The following DSE variants were observed in gnomAD, a reference collection of about 807,000 sequenced individuals.
DSE encodes the protein dermatan sulfate epimerase.
A neutral mutation model predicts 84.4 loss-of-function variants in DSE; 36 were observed. The ratio of observed to expected loss-of-function variants is 0.43; its 90% confidence interval spans 0.33 to 0.56. The LOEUF is 0.56. Ranked by LOEUF, DSE falls within the 20% of genes least tolerant of loss-of-function variation. DSE has a pLI of 0.06. For synonymous variants in DSE, 410 were observed against 430.1 expected (o/e 0.95, Z 0.58); for missense variants, 862 against 1,169.6 (o/e 0.74, Z 3.84).
At position 116,340,538 on chromosome 6, in the gene DSE, G is replaced by A. The variant is rs184982175; in HGVS notation, c.-53-58660G>A. On this transcript the variant is annotated intron_variant, in intron 2 of 3. Coordinates refer to the DSE transcript ENST00000430252. ...AAGTTCTAGGGTATATGAGCACAACGTGTAGGTTTGATACATAGGTATACA... is the reference window on the plus strand; with the variant it reads ...AAGTTCTAGGGTATATGAGCACAACATGTAGGTTTGATACATAGGTATACA... Among the ~76,000 whole-genome samples, 231 of 152,002 alleles carry A rather than the reference G, an allele frequency of 1.5e-3. 2 individuals are homozygous for A. The highest frequency in any genetic ancestry group is 2.3e-3 in the Non-Finnish European group (156 of 67,980).
chr6:116,386,538 T>A (rs1273524707), intron 1 of DSE, among the ~76,000 whole-genome samples: 1 of 152,252 alleles, frequency 6.6e-6, no homozygotes, highest in Non-Finnish European at 1.5e-5. Flanking sequence ...AACAACAATG[T>A]GTGCCAATAC....
At chr6:116,369,347 C>G (rs949707001), upstream of DSE, among the ~76,000 whole-genome samples, 1 of 152,150 alleles carries the variant, frequency 6.6e-6, no homozygotes, top group Non-Finnish European at 1.5e-5. Flanking sequence ...TTAACACTTA[C>G]GGATTACATA....
intron 4 of DSE, chr6:116,432,540 T>C (rs1181482078): frequency 3.9e-5 from 6 of 152,120 alleles, no homozygotes; most frequent in Non-Finnish European, 1.5e-5. Context: ...TAGCTGTAAA[T>C]TACATAAATA....
At chr6:116,330,433 G>A (rs1253616011) in intron 2 of DSE, among the ~76,000 whole-genome samples, 2 of 151,844 alleles carry the variant, frequency 1.3e-5, no homozygotes, top group Non-Finnish European at 2.9e-5. Context: ...TAATCTTTTT[G>A]GTATTACATA....
At chr6:116,349,405 A>G (rs1778185413) in intron 2 of DSE, among the ~76,000 whole-genome samples, 2 of 152,308 alleles carry the variant, frequency 1.3e-5, no homozygotes, top group African/African-American at 4.8e-5. Flanking sequence ...AGCTGACTCA[A>G]GCTCCAGCTT....
chr6:116,422,161 C>T (rs1783134336), intron 2 of DSE, among the ~76,000 whole-genome samples: 1 of 152,194 alleles, frequency 6.6e-6, no homozygotes, highest in Non-Finnish European at 1.5e-5. Flanking sequence ...TGTGTGTTCA[C>T]TGAGTTATTT....
chr6:116,313,704 T>C (rs996807178), intron 2 of DSE, among the ~76,000 whole-genome samples: 3 of 152,262 alleles, frequency 2.0e-5, no homozygotes, highest in Non-Finnish European at 4.4e-5. Flanking sequence ...TCTCTTATTT[T>C]AGTTACAGCA....
intron 2 of DSE, among the ~76,000 whole-genome samples, chr6:116,339,753 G>A (rs112799102): frequency 1.3e-5 from 2 of 152,268 alleles, no homozygotes; most frequent in South Asian, 2.1e-4. Context: ...AAGGTAACAG[G>A]TTTTGAGATG....
rs898544584 is a variant in DSE at position 116,301,110 on chromosome 6, G to C, written c.-54+42143G>C. Among the ~76,000 whole-genome samples the C allele has an allele frequency of 1.8e-4, 28 of 151,988 alleles. 1 individual carries two copies. Among genetic ancestry groups the C allele is most frequent in the Non-Finnish European group, 2.9e-5 (2 of 67,972 alleles). Reference sequence around the variant, plus strand: ...TGTAGCACAGTGGTTGGACTTCTGAGGTGGTCAGGGTGAAAGATTTTAGAG... The same window carrying C: ...TGTAGCACAGTGGTTGGACTTCTGACGTGGTCAGGGTGAAAGATTTTAGAG... On this transcript the variant is annotated intron_variant, in intron 2 of 3. Transcript: ENST00000430252.
intron 2 of DSE, among the ~76,000 whole-genome samples, chr6:116,297,228 C>T (rs551160933): frequency 8.8e-4 from 134 of 152,084 alleles, no homozygotes; most frequent in Non-Finnish European, 1.5e-3. Context: ...CCCTAGGAGC[C>T]GTCCTTAGCT....
chr6:116,368,261 G>A (rs1284513045), upstream of DSE, among the ~76,000 whole-genome samples: 1 of 152,168 alleles, frequency 6.6e-6, no homozygotes, highest in Non-Finnish European at 1.5e-5. Flanking sequence ...GACAAAAATA[G>A]GACAAGGTAA....
intron 2 of DSE, among the ~76,000 whole-genome samples, chr6:116,306,221 T>C (rs903614095): frequency 3.9e-4 from 60 of 152,212 alleles, no homozygotes; most frequent in African/African-American, 1.4e-3. Context: ...AACCTTTCTA[T>C]AAGTTTAAAA....
intron 1 of DSE, among the ~76,000 whole-genome samples, chr6:116,391,461 T>C (rs543957788): frequency 6.6e-6 from 1 of 152,226 alleles, no homozygotes; most frequent in Admixed American, 6.5e-5. Flanking sequence ...GTATTCTTGA[T>C]TTTGATTAAG....
chr6:116,347,303 G>A (rs199504498), intron 2 of DSE, among the ~76,000 whole-genome samples: 8 of 151,270 alleles, frequency 5.3e-5, no homozygotes, highest in Non-Finnish European at 2.9e-5. Flanking sequence ...AAAAGAGCCC[G>A]CATTGCCAAG....
intron 2 of DSE, among the ~76,000 whole-genome samples, chr6:116,359,531 A>G (rs555418703): frequency 6.6e-6 from 1 of 152,350 alleles, no homozygotes; most frequent in Non-Finnish European, 1.5e-5. Flanking sequence ...TTTCCTATAT[A>G]TAGCAAATAC....
intron 2 of DSE, among the ~76,000 whole-genome samples, chr6:116,321,140 A>T (rs1012037170): frequency 6.6e-6 from 1 of 152,014 alleles, no homozygotes; most frequent in African/African-American, 2.4e-5. Context: ...TCAAATACTC[A>T]TTTAAAAAAA....
intron 2 of DSE, among the ~76,000 whole-genome samples, chr6:116,408,266 A>G (rs971558824): frequency 7.2e-5 from 11 of 152,122 alleles, no homozygotes; most frequent in Non-Finnish European, 1.5e-4. Context: ...AGTGTGATTC[A>G]TATGTTCCAA....
intron 2 of DSE, among the ~76,000 whole-genome samples, chr6:116,329,899 A>C (rs6935185): frequency 0.98 from 148,983 of 152,350 alleles, 72,942 homozygotes; most frequent in East Asian, 1. Flanking sequence ...TCTCAGCTCA[A>C]TGCAACCTCC....
chr6:116,428,917 AG>A (rs1783625254), intron 3 of DSE, among the ~76,000 whole-genome samples: 1 of 152,224 alleles, frequency 6.6e-6, no homozygotes, highest in Non-Finnish European at 1.5e-5. Context: ...TTCAATTAAC[AG>A]TATCAGTACC....
Sources: gnomAD v4.1 joint callset for allele counts (sites outside exome capture counted in the v4.1 genomes callset) on GRCh38, gnomAD v4.1.1 for gene constraint, MANE v1.5 for transcripts, NCBI Gene and HGNC (gene_info 2026-07-23, HGNC 2026-07-21) for gene names.